The following POLR2F variants were observed in gnomAD, a reference collection of about 807,000 sequenced individuals.
POLR2F encodes the protein RNA polymerase II, I and III subunit F.
Under a neutral mutation model 22.7 loss-of-function variants are expected in POLR2F, and 12 were observed. That is an observed-to-expected ratio of 0.53 (90% CI 0.34 to 0.86). The LOEUF is 0.86. Ranked by LOEUF, POLR2F falls within the 40% of genes least tolerant of loss-of-function variation. The pLI is 0.02. For missense variants in POLR2F, 126 were observed against 171.5 expected (o/e 0.73, Z 1.48); for synonymous variants, 57 against 66.0 (o/e 0.86, Z 0.66).
chr22:37,985,600 C>T (rs1316013280), upstream of POLR2F, among the ~76,000 whole-genome samples: 2 of 152,122 alleles, frequency 1.3e-5, no homozygotes, highest in African/African-American at 2.4e-5. Flanking sequence ...GAGCTGGGGT[C>T]GCATTGGCAA....
downstream of POLR2F, chr22:37,974,235 G>C (rs775093910): frequency 1.0e-4 from 155 of 1,532,846 alleles, no homozygotes; most frequent in Non-Finnish European, 9.1e-5. This position sits in a 1 kb window ranked among gnomAD's most constrained non-coding sequence, Gnocchi z 5.4. Context: ...GAGCGCAAGG[G>C]GGAAGCAGGT....
intron 1 of POLR2F, among the ~76,000 whole-genome samples, chr22:37,998,952 C>G (rs3026658): frequency 6.6e-6 from 1 of 151,912 alleles, no homozygotes; most frequent in Admixed American, 6.6e-5. Context: ...GAGGACCCGC[C>G]GCCCCAAGAT....
intron 5 of POLR2F, among the ~76,000 whole-genome samples, chr22:38,039,466 C>T (rs62235121): frequency 4.3e-4 from 66 of 152,260 alleles, no homozygotes; most frequent in African/African-American, 1.5e-3. Context: ...CAGGACTGGG[C>T]GCTCATCCAG....
downstream of POLR2F, among the ~76,000 whole-genome samples, chr22:38,030,247 A>G (rs967741479): frequency 2.0e-4 from 30 of 152,256 alleles, no homozygotes; most frequent in Non-Finnish European, 2.9e-5. Flanking sequence ...AGCTTGAGAG[A>G]ACCCACAAGC....
chr22:38,028,214 T>A (rs1266456458), downstream of POLR2F, among the ~76,000 whole-genome samples: 1 of 152,038 alleles, frequency 6.6e-6, no homozygotes, highest in Non-Finnish European at 1.5e-5. Flanking sequence ...GGTCACCACA[T>A]GAGAACAGTG....
intron 1 of POLR2F, among the ~76,000 whole-genome samples, chr22:37,996,062 GA>G (rs61144649): frequency 0.02 from 3,098 of 152,278 alleles, 110 homozygotes; most frequent in African/African-American, 0.071. Context: ...GCCTCTCACT[GA>G]TGGAGGTGGT....
chr22:37,955,423 C>T (rs957350467), intron 1 of POLR2F, among the ~76,000 whole-genome samples: 2 of 151,526 alleles, frequency 1.3e-5, no homozygotes, highest in Non-Finnish European at 2.9e-5. Context: ...CCTATAATCC[C>T]AGCTACTCGG....
chr22:37,989,832 C>A (rs1026932532), intron 1 of POLR2F, among the ~76,000 whole-genome samples: 1 of 152,220 alleles, frequency 6.6e-6, no homozygotes, highest in African/African-American at 2.4e-5. Context: ...GCCTCCTCTC[C>A]TTGCCTGGGC....
downstream of POLR2F, among the ~76,000 whole-genome samples, chr22:38,030,107 G>T (rs2085050706): frequency 6.6e-6 from 1 of 152,232 alleles, no homozygotes; most frequent in South Asian, 2.1e-4. Flanking sequence ...CAGCTGGGAA[G>T]ATTGCCTGGG....
chr22:38,019,103 C>G (rs553009316), intron 1 of POLR2F, among the ~76,000 whole-genome samples: 5 of 151,744 alleles, frequency 3.3e-5, no homozygotes, highest in African/African-American at 1.2e-4. Context: ...GGGCCTTTCC[C>G]TGTGCACGTG....
intron 1 of POLR2F, 119 bp from the exon 2 acceptor site, chr22:37,956,653 GT>G (rs1931412874): frequency 1.3e-6 from 1 of 775,384 alleles, no homozygotes; most frequent in South Asian, 1.6e-5. Flanking sequence ...CTGGCCTCAA[GT>G]GATCCGCCCA....
rs770379877 is a variant in POLR2F at position 37,967,870 on chromosome 22, A to T, written c.*155A>T. The T allele has an allele frequency of 3.7e-5, 51 of 1,394,932 alleles. No individual in the cohort carries two copies. Among genetic ancestry groups the T allele is most frequent in the Non-Finnish European group, 4.3e-5 (46 of 1,078,344 alleles). 86.4% of individuals were successfully genotyped at this position (1,394,932 alleles called of 1,614,324 possible). On this transcript the variant is annotated 3_prime_UTR_variant, in exon 5 of 5. Coordinates refer to ENST00000442738, the MANE Select transcript of POLR2F (RefSeq NM_021974.5). The stretch of plus-strand genomic sequence containing the variant: ...TCCCCGTTACCGCCATGCTGCGTGG[A>T]GCATGCACCTATTCCAGTGGCCCTG...
At chr22:38,040,730 C>T in intron 5 of POLR2F, 1 of 398,424 alleles carries the variant, frequency 2.5e-6, no homozygotes, top group South Asian at 3.5e-5. Context: ...CTGTGGGGGT[C>T]CTTCAGCTTC....
intron 1 of POLR2F, chr22:37,987,546 C>A (rs1318390504): frequency 8.5e-6 from 3 of 352,734 alleles, no homozygotes; most frequent in South Asian, 6.5e-5. Context: ...CCCTCCCTGC[C>A]TGCCCTGAAG....
At position 37,968,376 on chromosome 22, in the gene POLR2F, C is replaced by G; in HGVS notation, c.*661C>G. Reference sequence around the variant, plus strand: ...CCTCAGGACTCTGCCCACACGCTGTCCTCTGTGGCCCACCTCTTTGGTGTG... The same window carrying G: ...CCTCAGGACTCTGCCCACACGCTGTGCTCTGTGGCCCACCTCTTTGGTGTG... On this transcript the variant is annotated 3_prime_UTR_variant, in exon 5 of 5. Coordinates refer to ENST00000442738, the MANE Select transcript of POLR2F (RefSeq NM_021974.5). 2 of 985,792 alleles carry G rather than the reference C, an allele frequency of 2.0e-6. No individual in the cohort carries two copies. Among genetic ancestry groups the G allele is most frequent in the Non-Finnish European group, 2.4e-6 (2 of 830,090 alleles). The allele number at this position is 985,792 out of a possible 1,614,324, so 61.1% of individuals were successfully genotyped here.
downstream of POLR2F, among the ~76,000 whole-genome samples, chr22:37,969,488 C>T (rs73415846): frequency 0.035 from 5,303 of 152,250 alleles, 302 homozygotes; most frequent in African/African-American, 0.12. Flanking sequence ...GGTCATTTCC[C>T]CTCCTTCCAC....
At chr22:37,983,846 C>T, upstream of POLR2F, 1 of 1,316,756 alleles carries the variant, frequency 7.6e-7, no homozygotes, top group African/African-American at 1.6e-5. The surrounding 1 kb of genome is among the most constrained non-coding windows in gnomAD (Gnocchi z 9.5). Context: ...CGCCGGGGTC[C>T]TCGCAAAGAG....
downstream of POLR2F, chr22:37,972,583 G>A: frequency 4.4e-6 from 1 of 227,738 alleles, no homozygotes; most frequent in South Asian, 5.3e-5. Context: ...CTGGGTGCTG[G>A]GCCCTGTGTC....
chr22:37,998,318 C>G (rs548575851), intron 1 of POLR2F, among the ~76,000 whole-genome samples: 1 of 152,262 alleles, frequency 6.6e-6, no homozygotes, highest in African/African-American at 2.4e-5. Context: ...TGTTAACTCC[C>G]TCAAGGCCAG....
Sources: allele counts gnomAD v4.1 joint callset (sites outside exome capture counted in the v4.1 genomes callset), GRCh38; gene constraint gnomAD v4.1.1; non-coding constraint Gnocchi (gnomAD v3.1); transcripts MANE v1.5; gene names NCBI Gene and HGNC (gene_info 2026-07-23, HGNC 2026-07-21).